ZNF208: variants seen among roughly 807,000 people sequenced by gnomAD.
ZNF208 encodes the protein zinc finger protein 208, also known as zinc finger protein 95.
Under a neutral mutation model 12.1 loss-of-function variants are expected in ZNF208, and 10 were observed. The observed-to-expected ratio is 0.83, with a 90% CI of 0.51 to 1.40. The LOEUF (loss-of-function observed/expected upper bound fraction) is 1.40. ZNF208 is among the 40% of genes most tolerant of loss of function. ZNF208 has a pLI of 0.00. For synonymous variants in ZNF208, 497 were observed against 488.4 expected, an observed-to-expected ratio of 1.02 and a Z score of -0.23; for missense variants, 1,652 against 1,485.0, an observed-to-expected ratio of 1.11 and a Z score of -1.85.
intron 4 of ZNF208, among the ~76,000 whole-genome samples, chr19:21,948,590 G>A (rs1270661205): frequency 1.3e-5 from 2 of 152,106 alleles, no homozygotes; most frequent in Non-Finnish European, 2.9e-5. Context: ...TAAACATGGT[G>A]TTACTATGAT....
At chr19:21,987,412 G>C in intron 2 of ZNF208, 101 bp from the exon 3 acceptor site, 1 of 1,161,526 alleles carries the variant, frequency 8.6e-7, no homozygotes, top group Non-Finnish European at 1.1e-6. Flanking sequence ...TATTCTAATA[G>C]ATTTATCCCA....
intron 4 of ZNF208, among the ~76,000 whole-genome samples, chr19:21,958,417 T>C (rs1034246918): frequency 6.6e-6 from 1 of 152,160 alleles, no homozygotes; most frequent in Non-Finnish European, 1.5e-5. Context: ...GGCTGGGTGA[T>C]AGAAATAAAT....
At chr19:21,961,759 T>C (rs1052457065), downstream of ZNF208, among the ~76,000 whole-genome samples, 5 of 151,166 alleles carry the variant, frequency 3.3e-5, no homozygotes, top group African/African-American at 1.2e-4. Flanking sequence ...CCTACTTGCA[T>C]GTCCATTTGT....
At chr19:22,002,029 T>C (rs996456711) in intron 1 of ZNF208, among the ~76,000 whole-genome samples, 2 of 151,892 alleles carry the variant, frequency 1.3e-5, no homozygotes, top group African/African-American at 2.4e-5. Context: ...TTTGGGGATT[T>C]AAGGTTTGCT....
chr19:21,991,641 G>A (rs1007902051), intron 1 of ZNF208: 1 of 151,688 alleles, frequency 6.6e-6, no homozygotes, highest in Non-Finnish European at 1.5e-5. Flanking sequence ...TCAGGAGGCT[G>A]AGGCAGGAGA....
intron 3 of ZNF208, among the ~76,000 whole-genome samples, chr19:21,980,631 A>G (rs1568448438): frequency 6.6e-6 from 1 of 152,206 alleles, no homozygotes. Flanking sequence ...TCTAAAATTG[A>G]CACCCTAACA....
At chr19:21,985,616 C>A (rs1449898032) in intron 3 of ZNF208, among the ~76,000 whole-genome samples, 1 of 152,168 alleles carries the variant, frequency 6.6e-6, no homozygotes, top group Non-Finnish European at 1.5e-5. Flanking sequence ...CTGTAACCAT[C>A]CCAAACTCCT....
At chr19:21,960,864 C>A (rs1970055032) in intron 4 of ZNF208, among the ~76,000 whole-genome samples, 1 of 152,164 alleles carries the variant, frequency 6.6e-6, no homozygotes, top group African/African-American at 2.4e-5. Flanking sequence ...TTTGGAGAGT[C>A]TCTATGGACA....
At chr19:21,985,696 A>C (rs1970619705) in intron 3 of ZNF208, among the ~76,000 whole-genome samples, 2 of 152,200 alleles carry the variant, frequency 1.3e-5, no homozygotes, top group South Asian at 4.1e-4. Context: ...TAGAGCCATG[A>C]CGGCAGGCCG....
In ZNF208 at chr19:21,970,745, A is replaced by G. The variant is rs995317099; in HGVS notation, c.*446T>C. On this transcript the variant is annotated 3_prime_UTR_variant, in exon 4 of 4. Transcript: ENST00000397126. Reference sequence around the variant, plus strand: ...TGTGTAGGAGGGTTGGGAACTGTTTAAAAGCTTTGCCAAATTCTTCACATT... The same window carrying G: ...TGTGTAGGAGGGTTGGGAACTGTTTGAAAGCTTTGCCAAATTCTTCACATT... The G allele has an allele frequency of 7.5e-7, 1 of 1,329,192 alleles. No homozygotes were observed. The allele number at this position is 1,329,192 out of a possible 1,614,324, so 82.3% of individuals were successfully genotyped here.
intron 4 of ZNF208, among the ~76,000 whole-genome samples, chr19:21,946,978 C>G (rs918220459): frequency 1.4e-5 from 2 of 148,078 alleles, no homozygotes; most frequent in Admixed American, 1.3e-4. Context: ...TCTTCTTCTT[C>G]TTTTTTTTGG....
rs148168981 is a variant in ZNF208 at position 21,946,938 on chromosome 19, C to G, written c.306-13701G>C. 9.0e-3 allele frequency among the ~76,000 whole-genome samples: 1,334 copies of G among 147,418 alleles called. 9 individuals carry two copies. The highest frequency in any genetic ancestry group is 0.014 in the Non-Finnish European group (919 of 66,474). The stretch of plus-strand genomic sequence containing the variant: ...AATGAAGGTGTTGGCACAAGAACTT[C>G]CAGTCTTTTTTTTTTCATTTCATTT... On this transcript the variant is annotated intron_variant, in intron 4 of 4. Coordinates refer to the ZNF208 transcript ENST00000599916.
At chr19:21,993,960 G>A (rs1284067690) in intron 1 of ZNF208, among the ~76,000 whole-genome samples, 1 of 152,192 alleles carries the variant, frequency 6.6e-6, no homozygotes. Context: ...CACTGTGATA[G>A]CACATTATGT....
Position 21,973,252 on chromosome 19 carries a change from T to C in ZNF208, c.1782A>G (p.Ala594=), listed in dbSNP as rs563920028. Residue 594 remains alanine, a synonymous_variant, in exon 4 of 4, where the codon GCA becomes GCG. Coordinates refer to ENST00000397126, the MANE Select transcript of ZNF208 (RefSeq NM_007153.3). Reference sequence around the variant, plus strand: ...GAATTCTCTTATGTTTAATAAGAATTGCAGATTGGTTAAAAGCTTTGCCAC... The same window carrying C: ...GAATTCTCTTATGTTTAATAAGAATCGCAGATTGGTTAAAAGCTTTGCCAC... The part of the protein sequence containing the change: ...EECGKAFNQS[A]ILIKHKRIHT... 3.7e-5 allele frequency: 60 copies of C among 1,613,014 alleles called. No homozygotes were observed. The highest frequency in any genetic ancestry group is 1.7e-4 in the Middle Eastern group (1 of 6,058).
intron 1 of ZNF208, among the ~76,000 whole-genome samples, chr19:21,989,418 T>A (rs548093836): frequency 6.6e-5 from 10 of 152,226 alleles, no homozygotes; most frequent in African/African-American, 1.9e-4. Context: ...GAACTCATCA[T>A]TTTTTATGGC....
chr19:21,990,974 G>A lies in ZNF208; in HGVS notation c.4-2065C>T, dbSNP rs190978179. Among the ~76,000 whole-genome samples the A allele has an allele frequency of 5.3e-4, 80 of 152,288 alleles. No homozygotes were observed. The East Asian group carries it at 7.9e-3, about 15-fold the overall frequency. On this transcript the variant is annotated intron_variant, in intron 1 of 3. Transcript: ENST00000397126. ...TGATTTTGTATCCTGAGACTTTGTC[G>A]AAGTTGCTTATCAGCTTAAGGAGAT...
chr19:21,988,951 C>A (rs1429775586), intron 1 of ZNF208, 42 bp from the exon 2 acceptor site: 1 of 1,607,824 alleles, frequency 6.2e-7, no homozygotes. Flanking sequence ...TGGACATGGG[C>A]AGAATTTTTA....
chr19:22,001,666 A>T (rs1381194272), intron 1 of ZNF208, among the ~76,000 whole-genome samples: 1 of 151,842 alleles, frequency 6.6e-6, no homozygotes, highest in Non-Finnish European at 1.5e-5. Flanking sequence ...AAGGTGGGCC[A>T]ATTTCCTGAG....
At chr19:21,995,688 A>G (rs1435301225) in intron 1 of ZNF208, among the ~76,000 whole-genome samples, 2 of 152,188 alleles carry the variant, frequency 1.3e-5, no homozygotes, top group Non-Finnish European at 2.9e-5. Context: ...GAAGGACAAG[A>G]AGACTCTACT....
Sources: gnomAD v4.1 joint callset for allele counts (sites outside exome capture counted in the v4.1 genomes callset) on GRCh38, gnomAD v4.1.1 for gene constraint, MANE v1.5 for transcripts, NCBI Gene and HGNC (gene_info 2026-07-23, HGNC 2026-07-21) for gene names.